Variants in CPNE5 observed in about 807,000 individuals in gnomAD.
CPNE5 encodes the protein copine 5.
Under a neutral mutation model 81.1 loss-of-function variants are expected in CPNE5, and 42 were observed. That is an observed-to-expected ratio of 0.52 (90% CI 0.40 to 0.67). CPNE5 has a LOEUF of 0.67. Ranked by LOEUF, CPNE5 falls within the 30% of genes least tolerant of loss-of-function variation. The probability of loss-of-function intolerance (pLI) is 0.00; values close to 1 mark genes in which losing one functional copy is unlikely to be tolerated. For missense variants in CPNE5, 612 were observed against 815.5 expected (o/e 0.75, Z 3.04); for synonymous variants, 313 against 321.5 (o/e 0.97, Z 0.28).
intron 3 of CPNE5, among the ~76,000 whole-genome samples, chr6:36,805,059 C>T (rs1770464829): frequency 6.6e-6 from 1 of 152,156 alleles, no homozygotes; most frequent in Admixed American, 6.5e-5. Context: ...GCCACCAGGT[C>T]CTGTCAGGCC....
intron 1 of CPNE5, among the ~76,000 whole-genome samples, chr6:36,834,284 G>GA (rs1773242534): frequency 1.4e-5 from 1 of 70,530 alleles, no homozygotes; most frequent in Admixed American, 1.6e-4. Context: ...AAAAAGGAAG[G>GA]AAGGGAGGGA....
chr6:36,782,980 A>T (rs2150480365), intron 8 of CPNE5, among the ~76,000 whole-genome samples: 1 of 152,184 alleles, frequency 6.6e-6, no homozygotes, highest in East Asian at 1.9e-4. Context: ...GGTAATGTAG[A>T]AGAATAGCGC....
chr6:36,749,590 C>A (rs1329667113), intron 14 of CPNE5, among the ~76,000 whole-genome samples: 1 of 150,990 alleles, frequency 6.6e-6, no homozygotes, highest in African/African-American at 2.4e-5. Context: ...ATATTGGGAG[C>A]CTGAGGTGGG....
intron 12 of CPNE5, among the ~76,000 whole-genome samples, chr6:36,757,635 T>TA (rs141577997): frequency 0.031 from 4,750 of 152,132 alleles, 181 homozygotes; most frequent in East Asian, 0.17. Flanking sequence ...TCACCTATGT[T>TA]GGAGAGAGAA....
chr6:36,759,932 C>A (rs1450656647), intron 12 of CPNE5, among the ~76,000 whole-genome samples: 2 of 151,774 alleles, frequency 1.3e-5, no homozygotes, highest in African/African-American at 2.4e-5. Context: ...CACAGCCAGG[C>A]GTGGTGGCTC....
At chr6:36,794,741 C>A in intron 6 of CPNE5, 92 bp from the exon 7 acceptor site, 1 of 1,128,586 alleles carries the variant, frequency 8.9e-7, no homozygotes, top group East Asian at 2.5e-5. Flanking sequence ...TGCTTGGAGA[C>A]AAGCGGCTGC....
chr6:36,800,851 C>A (rs1009895496), intron 3 of CPNE5, among the ~76,000 whole-genome samples: 24 of 152,350 alleles, frequency 1.6e-4, no homozygotes, highest in African/African-American at 4.6e-4. Flanking sequence ...GATGAGGCCC[C>A]AGGCTAATAC....
At chr6:36,822,248 G>T in intron 2 of CPNE5, 88 bp from the exon 3 acceptor site, 1 of 1,155,838 alleles carries the variant, frequency 8.7e-7, no homozygotes, top group Non-Finnish European at 1.2e-6. Flanking sequence ...CTGGGCAGGC[G>T]CCTCAGCAGA....
At chr6:36,826,998 G>A (rs1046547953) in intron 1 of CPNE5, among the ~76,000 whole-genome samples, 6 of 152,086 alleles carry the variant, frequency 3.9e-5, no homozygotes, top group Admixed American at 2.6e-4. Flanking sequence ...TCGTTGGCCC[G>A]GTGCTGAGTG....
rs373808527 is a variant in CPNE5, at chr6:36,829,869, AT to A, written c.96-6772del. Among the ~76,000 whole-genome samples the A allele has an allele frequency of 8.1e-3, 954 of 117,592 alleles. 54 individuals carry two copies. The highest frequency in any genetic ancestry group is 0.013 in the African/African-American group (477 of 36,602). 77.1% of individuals were successfully genotyped at this position (117,592 alleles called of 152,430 possible). ...GAATTGCAAAAAAAAAAAAAAAAAAATACCCAACAGGAATCCTGATGGTCCC... is the reference window on the plus strand; with the variant it reads ...GAATTGCAAAAAAAAAAAAAAAAAAAACCCAACAGGAATCCTGATGGTCCC... On this transcript the variant is annotated intron_variant, in intron 1 of 20. Coordinates refer to ENST00000244751, the MANE Select transcript of CPNE5 (RefSeq NM_020939.2).
intron 8 of CPNE5, among the ~76,000 whole-genome samples, chr6:36,782,858 C>T (rs1433586867): frequency 6.6e-6 from 1 of 150,516 alleles, no homozygotes; most frequent in Admixed American, 6.6e-5. Context: ...CACACACACA[C>T]ACACACACAC....
chr6:36,839,706 G>A (rs976557504), upstream of CPNE5: 7 of 308,416 alleles, frequency 2.3e-5, no homozygotes, highest in Non-Finnish European at 4.2e-5. The surrounding 1 kb of genome is among the most constrained non-coding windows in gnomAD (Gnocchi z 7.3). Flanking sequence ...GGCACCGGGA[G>A]GGAAACGCGG....
rs566202189 is a variant in CPNE5, at chr6:36,765,243, G to A, written c.779+92C>T. The stretch of plus-strand genomic sequence containing the variant: ...TCACCCCCAGAGCCACTGCGGGGGG[G>A]AGCCTGGTCACAGCTCCGCATGGGA... On this transcript the variant is annotated intron_variant, in intron 11 of 20. Transcript: ENST00000244751. The A allele has an allele frequency of 2.5e-5, 36 of 1,425,846 alleles. 1 individual carries two copies. The Admixed American group carries it at 3.5e-4, about 14-fold the overall frequency. 88.3% of individuals were successfully genotyped at this position (1,425,846 alleles called of 1,614,324 possible).
At position 36,742,428 on chromosome 6, in the gene CPNE5, C is replaced by A; in HGVS notation, c.1622G>T (p.Arg541Leu). 5.6e-6 allele frequency: 9 copies of A among 1,613,526 alleles called. No individual in the cohort carries two copies. Among genetic ancestry groups the A allele is most frequent in the Non-Finnish European group, 7.6e-6 (9 of 1,179,984 alleles). ...RTGNHVLSMA[R>L]LARDVLAEIP... The stretch of plus-strand genomic sequence containing the variant: ...CTCTGCCAGCACGTCTCGGGCCAGG[C>A]GGGCCATGCTCAGCACGTGGTTGCC... The change falls in exon 21 of 21, where the codon CGC (arginine) becomes CTC (leucine). Residue 541 changes from arginine to leucine, a missense_variant. Coordinates refer to ENST00000244751, the MANE Select transcript of CPNE5 (RefSeq NM_020939.2).
chr6:36,758,415 A>ATTTTTT (rs72371807), intron 12 of CPNE5, among the ~76,000 whole-genome samples: 4 of 140,278 alleles, frequency 2.9e-5, no homozygotes, highest in African/African-American at 8.1e-5. Context: ...ATGTCTGGCT[A>ATTTTTT]TTTTTTTTTT....
chr6:36,808,069 C>G (rs960853358), intron 3 of CPNE5, among the ~76,000 whole-genome samples: 1 of 151,776 alleles, frequency 6.6e-6, no homozygotes, highest in Non-Finnish European at 1.5e-5. Context: ...GGTGCCCTCT[C>G]TGTTGCTTCC....
intron 1 of CPNE5, among the ~76,000 whole-genome samples, chr6:36,823,522 G>T (rs1223056883): frequency 6.6e-6 from 1 of 152,166 alleles, no homozygotes; most frequent in African/African-American, 2.4e-5. Context: ...ATTTTCTCAA[G>T]GCTCTACTTA....
intron 8 of CPNE5, among the ~76,000 whole-genome samples, chr6:36,787,089 G>A (rs943138988): frequency 6.6e-6 from 1 of 152,046 alleles, no homozygotes; most frequent in Non-Finnish European, 1.5e-5. Context: ...CACAACACAC[G>A]ACTCTCCTAT....
Position 36,746,658 on chromosome 6 carries a change from A to T in CPNE5, c.1019-81T>A. The T allele has an allele frequency of 2.4e-6, 3 of 1,270,840 alleles. No homozygotes were observed. The highest frequency in any genetic ancestry group is 3.3e-6 in the Non-Finnish European group (3 of 908,506). 78.7% of individuals were successfully genotyped at this position (1,270,840 alleles called of 1,614,324 possible). A position where few individuals can be genotyped will look rare whatever the true frequency, so the allele number is the denominator to read the frequency against. On this transcript the variant is annotated intron_variant, in intron 15 of 20. Transcript: ENST00000244751. This position sits in a 1 kb window ranked among gnomAD's most constrained non-coding sequence, Gnocchi z 4.5. ...GTTCAGAATGAAGAAGGGGGTGTCC[A>T]AGGGCACCCCTAACTTTTATTAATT...
Sources: gnomAD v4.1 joint callset for allele counts (sites outside exome capture counted in the v4.1 genomes callset) on GRCh38, gnomAD v4.1.1 for gene constraint, Gnocchi (gnomAD v3.1) non-coding constraint, MANE v1.5 for transcripts, NCBI Gene and HGNC (gene_info 2026-07-23, HGNC 2026-07-21) for gene names.